Variants in DIP2B observed in about 807,000 individuals in gnomAD.
DIP2B encodes the protein DIP2 acetate--CoA ligase B (putative), also known as disco-interacting protein 2 homolog B.
In DIP2B, 76 loss-of-function variants were observed where a neutral mutation model predicts 198.0. The ratio of observed to expected loss-of-function variants is 0.38; its 90% confidence interval spans 0.32 to 0.46. The LOEUF is 0.46. DIP2B is among the 20% of genes least tolerant of loss of function. DIP2B has a pLI of 0.99. For synonymous variants in DIP2B, 701 were observed against 739.1 expected, an observed-to-expected ratio of 0.95 and a Z score of 0.84; for missense variants, 1,559 against 1,978.4, an observed-to-expected ratio of 0.79 and a Z score of 4.02.
At chr12:50,513,352 A>C (rs1031544353) in intron 1 of DIP2B, among the ~76,000 whole-genome samples, 2 of 152,158 alleles carry the variant, frequency 1.3e-5, no homozygotes, top group African/African-American at 4.8e-5. Flanking sequence ...AGAGCAGAAG[A>C]CTTGCTGGTC....
chr12:50,698,209 G>T, intron 17 of DIP2B, 119 bp from the exon 18 acceptor site: 1 of 1,276,164 alleles, frequency 7.8e-7, no homozygotes. Flanking sequence ...CATATTTTTG[G>T]GAGAGAAAAT....
At chr12:50,700,323 G>A (rs1181748117) in intron 19 of DIP2B, among the ~76,000 whole-genome samples, 1 of 152,134 alleles carries the variant, frequency 6.6e-6, no homozygotes, top group Non-Finnish European at 1.5e-5. Flanking sequence ...TTAATAATTG[G>A]AATTAACCTG....
intron 20 of DIP2B, among the ~76,000 whole-genome samples, chr12:50,706,275 A>G (rs1360030832): frequency 1.3e-5 from 2 of 152,152 alleles, no homozygotes. Context: ...TTGCTTTCTT[A>G]ATGAAGTTCC....
intron 29 of DIP2B, among the ~76,000 whole-genome samples, chr12:50,728,160 C>T (rs970719872): frequency 6.6e-6 from 1 of 152,182 alleles, no homozygotes; most frequent in Non-Finnish European, 1.5e-5. Flanking sequence ...GCGGGCAGAT[C>T]ACCTGAGGTC....
At chr12:50,628,258 C>G (rs556668363) in intron 2 of DIP2B, among the ~76,000 whole-genome samples, 1 of 152,204 alleles carries the variant, frequency 6.6e-6, no homozygotes, top group South Asian at 2.1e-4. Context: ...GTAATGCCAG[C>G]TACTCGGGAT....
chr12:50,568,037 T>C (rs1010709792), intron 1 of DIP2B, among the ~76,000 whole-genome samples: 1 of 152,202 alleles, frequency 6.6e-6, no homozygotes, highest in Admixed American at 6.5e-5. Context: ...TTTTTAAGCA[T>C]GGAGTCAACT....
intron 1 of DIP2B, among the ~76,000 whole-genome samples, chr12:50,566,104 A>T (rs1454202335): frequency 6.6e-6 from 1 of 152,124 alleles, no homozygotes; most frequent in African/African-American, 2.4e-5. Context: ...GTGCAGTGGC[A>T]TGATTATGGC....
intron 2 of DIP2B, among the ~76,000 whole-genome samples, chr12:50,630,750 C>T (rs2139475815): frequency 7.0e-6 from 1 of 142,262 alleles, no homozygotes; most frequent in Admixed American, 7.6e-5. Flanking sequence ...CGGCTCACTG[C>T]AACCTCCGCC....
chr12:50,555,745 A>T (rs1958464825), intron 1 of DIP2B, among the ~76,000 whole-genome samples: 1 of 151,560 alleles, frequency 6.6e-6, no homozygotes, highest in Non-Finnish European at 1.5e-5. Flanking sequence ...CTTTCACCCC[A>T]TGCTTGTTTG....
At chr12:50,583,384 C>T (rs573829034) in intron 1 of DIP2B, among the ~76,000 whole-genome samples, 1 of 152,134 alleles carries the variant, frequency 6.6e-6, no homozygotes, top group South Asian at 2.1e-4. Flanking sequence ...TTCATCTGAA[C>T]CCCCACCTGT....
At chr12:50,688,175 G>A in intron 12 of DIP2B, among the ~76,000 whole-genome samples, 1 of 152,024 alleles carries the variant, frequency 6.6e-6, no homozygotes, top group South Asian at 2.1e-4. Flanking sequence ...TCACGCCACT[G>A]CACTAGAGAG....
chr12:50,567,183 G>C (rs1958572273), intron 1 of DIP2B, among the ~76,000 whole-genome samples: 1 of 152,038 alleles, frequency 6.6e-6, no homozygotes, highest in African/African-American at 2.4e-5. Context: ...AGATTTATAG[G>C]AAGTTGCAAA....
chr12:50,696,703 T>A (rs1592132223), intron 16 of DIP2B, among the ~76,000 whole-genome samples: 1 of 152,362 alleles, frequency 6.6e-6, no homozygotes, highest in East Asian at 1.9e-4. Context: ...GCTAAGCCAA[T>A]ATTAAATTGC....
At chr12:50,730,807 A>G (rs1199364260) in intron 30 of DIP2B, among the ~76,000 whole-genome samples, 2 of 150,504 alleles carry the variant, frequency 1.3e-5, no homozygotes, top group East Asian at 4.2e-4. Flanking sequence ...GGCCACTGCC[A>G]AATTCATACT....
At chr12:50,742,119 C>T (rs562819238) in intron 37 of DIP2B, among the ~76,000 whole-genome samples, 155 of 152,084 alleles carry the variant, frequency 1.0e-3, no homozygotes, top group Non-Finnish European at 2.0e-3. Flanking sequence ...GTGGTTTGGC[C>T]GGCCACAGTG....
Position 50,723,255 on chromosome 12 carries a change from G to A in DIP2B, c.3220G>A (p.Val1074Met), listed in dbSNP as rs767837817. The A allele has an allele frequency of 2.5e-6, 4 of 1,614,122 alleles. No individual in the cohort carries two copies. In the South Asian group the frequency reaches 3.3e-5, roughly 13 times the overall value. The change falls in exon 27 of 38, where the codon GTG becomes ATG. Residue 1074 changes from valine (V) to methionine (M), a missense_variant. Physicochemically the swap from Val to Met is conservative, Grantham distance 21. Coordinates refer to ENST00000301180, the MANE Select transcript of DIP2B (RefSeq NM_173602.3). ...CTGCCTGTATGCGGGCTGTATACCT[G>A]TGACCGTCAGACCTCCACATGCTCA... ...YGCLYAGCIP[V>M]TVRPPHAQNL...
intron 35 of DIP2B, among the ~76,000 whole-genome samples, chr12:50,738,792 T>G (rs1425947510): frequency 2.6e-5 from 4 of 152,188 alleles, no homozygotes; most frequent in Non-Finnish European, 5.9e-5. Flanking sequence ...TTTTAAAAAT[T>G]TTTAAATGTT....
intron 23 of DIP2B, among the ~76,000 whole-genome samples, chr12:50,716,518 ACT>A (rs567946782): frequency 6.6e-6 from 1 of 151,676 alleles, no homozygotes; most frequent in African/African-American, 2.4e-5. Flanking sequence ...ACTGAGCGAG[ACT>A]CTGTCTCAAA....
intron 2 of DIP2B, among the ~76,000 whole-genome samples, chr12:50,633,551 G>C (rs527357091): frequency 3.2e-4 from 48 of 152,284 alleles, no homozygotes; most frequent in Non-Finnish European, 5.1e-4. Context: ...GGCTGAGGCA[G>C]GATGATCACT....
Sources: allele counts gnomAD v4.1 joint callset (sites outside exome capture counted in the v4.1 genomes callset), GRCh38; gene constraint gnomAD v4.1.1; transcripts MANE v1.5; gene names NCBI Gene and HGNC (gene_info 2026-07-23, HGNC 2026-07-21).